Variants in RB1CC1 observed in about 807,000 individuals in gnomAD.
RB1CC1 encodes RB1-inducible coiled-coil protein 1.
A neutral mutation model predicts 177.5 loss-of-function variants in RB1CC1; 46 were observed. The ratio of observed to expected loss-of-function variants is 0.26; its 90% confidence interval spans 0.20 to 0.33. The LOEUF is 0.33. RB1CC1 is among the 10% of genes least tolerant of loss of function. The pLI is 1.00. For missense variants in RB1CC1, 1,703 were observed against 1,816.3 expected, an observed-to-expected ratio of 0.94 and a Z score of 1.13; for synonymous variants, 666 against 613.6, an observed-to-expected ratio of 1.09 and a Z score of -1.26.
At chr8:52,689,717 G>C (rs748312626) in intron 1 of RB1CC1, among the ~76,000 whole-genome samples, 6 of 151,828 alleles carry the variant, frequency 4.0e-5, no homozygotes, top group Non-Finnish European at 8.8e-5. Context: ...TAAACAAATC[G>C]AGCTGCTAAA....
chr8:52,626,165 G>A (rs1207677317), intron 22 of RB1CC1, among the ~76,000 whole-genome samples: 1 of 152,108 alleles, frequency 6.6e-6, no homozygotes, highest in Non-Finnish European at 1.5e-5. Context: ...AAAACACTCT[G>A]GTAATCCGCA....
intron 13 of RB1CC1, 135 bp downstream of exon 13, chr8:52,658,738 C>A: frequency 2.0e-6 from 1 of 496,714 alleles, no homozygotes; most frequent in Non-Finnish European, 3.4e-6. Flanking sequence ...TCAAAGCAGT[C>A]ACAGGAAAGC....
chr8:52,649,547 T>A (rs1057191903), intron 15 of RB1CC1, among the ~76,000 whole-genome samples: 4 of 152,160 alleles, frequency 2.6e-5, no homozygotes, highest in African/African-American at 9.7e-5. Context: ...AAATCTCTTC[T>A]ATCACTTGAA....
At chr8:52,667,958 T>C in intron 8 of RB1CC1, 63 bp downstream of exon 8, 3 of 1,511,058 alleles carry the variant, frequency 2.0e-6, no homozygotes, top group South Asian at 1.2e-5. Context: ...TGATACTGCA[T>C]ATAAAACATG....
intron 8 of RB1CC1, among the ~76,000 whole-genome samples, chr8:52,661,964 G>A (rs974138759): frequency 2.0e-5 from 3 of 151,936 alleles, no homozygotes; most frequent in African/African-American, 7.2e-5. Context: ...GAAAGATAAA[G>A]CCCCTTAGCC....
Position 52,712,659 on chromosome 8 carries a change from T to C in RB1CC1, c.-167+1416A>G, listed in dbSNP as rs538688232. On this transcript the variant is annotated intron_variant, in intron 1 of 23. Coordinates refer to ENST00000025008, the MANE Select transcript of RB1CC1 (RefSeq NM_014781.5). Reference sequence around the variant, plus strand: ...ATAAAATTACTTTAAAAATATGAACTATGTCAATATCCACTTTCCATCAAC... The same window carrying C: ...ATAAAATTACTTTAAAAATATGAACCATGTCAATATCCACTTTCCATCAAC... 2.0e-5 allele frequency among the ~76,000 whole-genome samples: 3 copies of C among 152,306 alleles called. No homozygotes were observed. The South Asian group carries it at 6.2e-4, about 32-fold the overall frequency.
At chr8:52,672,532 C>G (rs79430994) in intron 7 of RB1CC1, among the ~76,000 whole-genome samples, 1 of 152,058 alleles carries the variant, frequency 6.6e-6, no homozygotes, top group South Asian at 2.1e-4. Context: ...TGCTTGAGCC[C>G]GGCAATCTGA....
At chr8:52,700,102 A>G (rs1855915379) in intron 1 of RB1CC1, among the ~76,000 whole-genome samples, 1 of 151,800 alleles carries the variant, frequency 6.6e-6, no homozygotes, top group Non-Finnish European at 1.5e-5. Context: ...TACACAAAAA[A>G]CTTTAATTTT....
Position 52,657,439 on chromosome 8 carries a change from T to G in RB1CC1, c.2390A>C (p.Gln797Pro). The G allele has an allele frequency of 3.1e-6, 5 of 1,613,802 alleles. No individual in the cohort carries two copies. The highest frequency in any genetic ancestry group is 4.2e-6 in the Non-Finnish European group (5 of 1,179,994). ...DFGDHTSLNV[Q>P]LERCRVVAQD... ...GGCAACAACTCTACATCTTTCCAACTGGACATTCAGAGAAGTATGATCTCC... is the reference window on the plus strand; with the variant it reads ...GGCAACAACTCTACATCTTTCCAACGGGACATTCAGAGAAGTATGATCTCC... The change falls in exon 15 of 24, where the codon CAG (glutamine) becomes CCG (proline). Residue 797 changes from glutamine (Q) to proline (P), a missense_variant. Coordinates refer to ENST00000025008, the MANE Select transcript of RB1CC1 (RefSeq NM_014781.5).
intron 16 of RB1CC1, among the ~76,000 whole-genome samples, chr8:52,644,024 G>A (rs930205443): frequency 1.3e-5 from 2 of 151,876 alleles, no homozygotes; most frequent in African/African-American, 4.8e-5. Context: ...TTTGTATTAA[G>A]CCATCTCTAT....
chr8:52,634,260 A>G (rs1848967974), intron 20 of RB1CC1, among the ~76,000 whole-genome samples: 1 of 152,082 alleles, frequency 6.6e-6, no homozygotes, highest in South Asian at 2.1e-4. Context: ...AATGTTTCAC[A>G]CCTGTAACTC....
chr8:52,627,399 G>A (rs548656500), intron 22 of RB1CC1, among the ~76,000 whole-genome samples: 1 of 152,242 alleles, frequency 6.6e-6, no homozygotes, highest in Non-Finnish European at 1.5e-5. Flanking sequence ...ACTTTGTTGC[G>A]AGTCAGTCCA....
At chr8:52,704,540 A>G (rs777156230) in intron 1 of RB1CC1, among the ~76,000 whole-genome samples, 74 of 152,030 alleles carry the variant, frequency 4.9e-4, no homozygotes, top group Non-Finnish European at 7.5e-4. Flanking sequence ...TGATCACATT[A>G]CTAAAACTTA....
At chr8:52,697,312 AAG>A (rs1393725313) in intron 1 of RB1CC1, among the ~76,000 whole-genome samples, 2 of 151,616 alleles carry the variant, frequency 1.3e-5, no homozygotes, top group African/African-American at 2.4e-5. Context: ...AAAAAAAAAA[AAG>A]AAGACTTTTT....
chr8:52,647,970 G>C (rs986294190), intron 15 of RB1CC1, among the ~76,000 whole-genome samples: 1 of 152,160 alleles, frequency 6.6e-6, no homozygotes, highest in Non-Finnish European at 1.5e-5. Flanking sequence ...AAGAGAGGAA[G>C]GGGAGGCCAT....
chr8:52,630,415 A>G, intron 21 of RB1CC1, 55 bp downstream of exon 21: 6 of 1,508,088 alleles, frequency 4.0e-6, no homozygotes, highest in Non-Finnish European at 5.3e-6. Flanking sequence ...CATTTTCATT[A>G]ACAATTCAGT....
At chr8:52,693,329 A>T (rs1047220130) in intron 1 of RB1CC1, among the ~76,000 whole-genome samples, 3 of 152,256 alleles carry the variant, frequency 2.0e-5, no homozygotes, top group African/African-American at 7.2e-5. Context: ...ATCAGAGTGA[A>T]CAGACAACCT....
intron 1 of RB1CC1, among the ~76,000 whole-genome samples, chr8:52,688,595 T>C (rs1394842063): frequency 2.6e-5 from 4 of 152,210 alleles, no homozygotes; most frequent in Admixed American, 6.5e-5. Context: ...TGGCTGAACA[T>C]AGACCCTTAT....
chr8:52,644,762 T>A (rs1241905416), intron 16 of RB1CC1, among the ~76,000 whole-genome samples: 2 of 152,186 alleles, frequency 1.3e-5, no homozygotes, highest in East Asian at 1.9e-4. Context: ...CTGATTTACA[T>A]TTTTTCAAAT....
Sources: allele counts gnomAD v4.1 joint callset (sites outside exome capture counted in the v4.1 genomes callset), GRCh38; gene constraint gnomAD v4.1.1; transcripts MANE v1.5; gene names NCBI Gene and HGNC (gene_info 2026-07-23, HGNC 2026-07-21).